Variants in CDK6 observed in about 807,000 individuals in gnomAD.
CDK6 encodes the protein cyclin-dependent kinase 6.
CDK6 carries 6 observed loss-of-function variants against 37.1 expected under a neutral mutation model. The ratio of observed to expected loss-of-function variants is 0.16; its 90% CI spans 0.09 to 0.32. CDK6 has a LOEUF of 0.32. CDK6 is among the 10% of genes least tolerant of loss of function. The pLI is 1.00. For missense variants in CDK6, 224 were observed against 418.9 expected (o/e 0.53, Z 4.06); for synonymous variants, 160 against 161.3 (o/e 0.99, Z 0.06).
intron 5 of CDK6, among the ~76,000 whole-genome samples, chr7:92,663,064 T>C (rs935445385): frequency 1.4e-4 from 21 of 152,038 alleles, no homozygotes; most frequent in East Asian, 5.8e-4. Flanking sequence ...AGGGGAGGTA[T>C]TGGGGGCTAA....
At chr7:92,705,427 C>T (rs1797944388) in intron 4 of CDK6, among the ~76,000 whole-genome samples, 1 of 152,162 alleles carries the variant, frequency 6.6e-6, no homozygotes, top group Non-Finnish European at 1.5e-5. Context: ...CTAAGGCATG[C>T]TTAGCAAACA....
intron 3 of CDK6, among the ~76,000 whole-genome samples, chr7:92,731,482 C>T (rs1418286896): frequency 2.6e-5 from 4 of 152,152 alleles, no homozygotes; most frequent in Admixed American, 2.0e-4. Context: ...CCATAGTACC[C>T]GTCTCTTTGC....
chr7:92,657,961 A>C (rs1199526747), intron 5 of CDK6, among the ~76,000 whole-genome samples: 2 of 152,130 alleles, frequency 1.3e-5, no homozygotes, highest in Non-Finnish European at 2.9e-5. Context: ...AGCTCAAGTG[A>C]TTCTCCTGTT....
intron 3 of CDK6, among the ~76,000 whole-genome samples, chr7:92,728,239 A>G (rs1404408558): frequency 6.6e-6 from 1 of 152,234 alleles, no homozygotes; most frequent in Non-Finnish European, 1.5e-5. Flanking sequence ...AAAAATCACT[A>G]AAAAATTCCA....
intron 3 of CDK6, among the ~76,000 whole-genome samples, chr7:92,747,608 A>AAC (rs1487087105): frequency 7.2e-5 from 11 of 152,204 alleles, no homozygotes; most frequent in African/African-American, 2.7e-4. Flanking sequence ...GCCTCAGAGT[A>AAC]ACAGCTTCAA....
intron 2 of CDK6, among the ~76,000 whole-genome samples, chr7:92,820,083 T>C (rs1003831628): frequency 2.0e-5 from 3 of 152,142 alleles, no homozygotes; most frequent in South Asian, 4.1e-4. Context: ...TGTAGACACA[T>C]AGTATTTCTG....
intron 3 of CDK6, among the ~76,000 whole-genome samples, chr7:92,729,100 C>G (rs1033515427): frequency 2.0e-5 from 3 of 152,076 alleles, no homozygotes; most frequent in Non-Finnish European, 4.4e-5. Flanking sequence ...TAAATTACAA[C>G]ATTAAATGAG....
intron 3 of CDK6, among the ~76,000 whole-genome samples, chr7:92,753,521 CTTGCTCTGT>C (rs886194032): frequency 1.3e-5 from 2 of 152,112 alleles, no homozygotes; most frequent in African/African-American, 4.8e-5. Context: ...GAGACGGAGT[CTTGCTCTGT>C]CGCCCAGGCT....
chr7:92,696,709 C>A (rs1214546882), intron 4 of CDK6, among the ~76,000 whole-genome samples: 1 of 152,130 alleles, frequency 6.6e-6, no homozygotes, highest in African/African-American at 2.4e-5. Context: ...TGTTTGTCAT[C>A]TAAACATTGA....
rs531961623 is a variant in CDK6 at position 92,623,710 on chromosome 7, G to A, written c.648-624C>T. ...CCTTGTCTACATTGAGCATTTAACT[G>A]GCAATTAAAAAAGGTCATTTTGTGA... is the stretch of plus-strand genomic sequence containing the variant. On this transcript the variant is annotated intron_variant, in intron 5 of 7. Coordinates refer to ENST00000424848, the MANE Select transcript of CDK6 (RefSeq NM_001145306.2). Among the ~76,000 whole-genome samples, 4 of 152,202 alleles carry A rather than the reference G, an allele frequency of 2.6e-5. No homozygotes were observed. The East Asian group carries it at 7.7e-4, about 29-fold the overall frequency.
chr7:92,764,155 G>A (rs77261476), intron 3 of CDK6, among the ~76,000 whole-genome samples: 9 of 112,252 alleles, frequency 8.0e-5, no homozygotes, highest in African/African-American at 1.2e-4. Flanking sequence ...TTTTTTTTTT[G>A]AGGCAAGGTC....
At chr7:92,742,576 A>C (rs1386538268) in intron 3 of CDK6, among the ~76,000 whole-genome samples, 4 of 152,090 alleles carry the variant, frequency 2.6e-5, no homozygotes, top group Admixed American at 2.6e-4. Context: ...CAGTTTTTAC[A>C]CTCATCCCAA....
intron 3 of CDK6, among the ~76,000 whole-genome samples, chr7:92,762,046 A>C (rs953022874): frequency 6.6e-6 from 1 of 152,192 alleles, no homozygotes; most frequent in Non-Finnish European, 1.5e-5. Flanking sequence ...ATTTCAATTT[A>C]CATAGTTTTG....
At chr7:92,799,367 A>T (rs1329528192) in intron 2 of CDK6, among the ~76,000 whole-genome samples, 1 of 151,906 alleles carries the variant, frequency 6.6e-6, no homozygotes, top group Non-Finnish European at 1.5e-5. Context: ...TCCTCCCCGA[A>T]ACTCTCCCCT....
intron 2 of CDK6, among the ~76,000 whole-genome samples, chr7:92,796,323 C>T (rs750866151): frequency 2.0e-5 from 3 of 151,932 alleles, no homozygotes; most frequent in Non-Finnish European, 4.4e-5. Context: ...TAGCAGATAA[C>T]AAGTAGCTCT....
intron 4 of CDK6, among the ~76,000 whole-genome samples, chr7:92,676,163 C>A (rs1279238001): frequency 1.3e-5 from 2 of 151,154 alleles, no homozygotes; most frequent in Non-Finnish European, 3.0e-5. Context: ...ATTTCTTTTC[C>A]ATTTTAATTA....
At chr7:92,636,614 C>T (rs974567786) in intron 5 of CDK6, among the ~76,000 whole-genome samples, 2 of 152,064 alleles carry the variant, frequency 1.3e-5, no homozygotes, top group Admixed American at 1.3e-4. Context: ...ACAGCATGTA[C>T]AGGAATAAAT....
chr7:92,792,065 GATTATA>G (rs1333302080), intron 2 of CDK6, among the ~76,000 whole-genome samples: 4 of 152,116 alleles, frequency 2.6e-5, no homozygotes, highest in Non-Finnish European at 5.9e-5. Flanking sequence ...ATGGAAGTTG[GATTATA>G]GGAGAATAAA....
chr7:92,717,434 G>A (rs1049900222), intron 4 of CDK6, among the ~76,000 whole-genome samples: 1 of 143,522 alleles, frequency 7.0e-6, no homozygotes, highest in African/African-American at 2.6e-5. Context: ...AGGGAGGGAA[G>A]GAAGAAAGGA....
Sources: gnomAD v4.1 joint callset for allele counts (sites outside exome capture counted in the v4.1 genomes callset) on GRCh38, gnomAD v4.1.1 for gene constraint, MANE v1.5 for transcripts, NCBI Gene and HGNC (gene_info 2026-07-23, HGNC 2026-07-21) for gene names.